Variants in RNF214 observed in about 807,000 individuals in gnomAD.
The protein encoded by RNF214 is ring finger protein 214.
RNF214 carries 25 observed loss-of-function variants against 75.9 expected under a neutral mutation model. The ratio of observed to expected loss-of-function variants is 0.33; its 90% CI spans 0.24 to 0.46. The LOEUF (loss-of-function observed/expected upper bound fraction) is 0.46. Ranked by LOEUF, RNF214 falls within the 20% of genes least tolerant of loss-of-function variation. The probability of loss-of-function intolerance (pLI) is 1.00; values close to 1 mark genes in which losing one functional copy is unlikely to be tolerated. For synonymous variants in RNF214, 314 were observed against 308.8 expected, an observed-to-expected ratio of 1.02 and a Z score of -0.18; for missense variants, 725 against 857.5, an observed-to-expected ratio of 0.85 and a Z score of 1.93.
intron 6 of RNF214, among the ~76,000 whole-genome samples, chr11:117,277,510 T>C (rs1240340487): frequency 1.3e-5 from 2 of 152,062 alleles, no homozygotes; most frequent in East Asian, 3.9e-4. Flanking sequence ...ACACACACCC[T>C]CTCTACCTAT....
At chr11:117,241,317 C>T (rs796483638) in intron 4 of RNF214, among the ~76,000 whole-genome samples, 1 of 152,102 alleles carries the variant, frequency 6.6e-6, no homozygotes, top group Non-Finnish European at 1.5e-5. Flanking sequence ...CACAGTGGCT[C>T]ATGCTTGTAA....
chr11:117,254,615 T>A (rs1356686239), intron 6 of RNF214, among the ~76,000 whole-genome samples: 1 of 151,826 alleles, frequency 6.6e-6, no homozygotes, highest in African/African-American at 2.4e-5. Context: ...CCACCTGACC[T>A]CTTCGTTCTT....
At chr11:117,253,967 A>T (rs534966886) in intron 6 of RNF214, among the ~76,000 whole-genome samples, 1 of 152,018 alleles carries the variant, frequency 6.6e-6, no homozygotes, top group Non-Finnish European at 1.5e-5. Flanking sequence ...ATAAGAGTCT[A>T]TGTTGGCTGG....
At position 117,252,807 on chromosome 11, in the gene RNF214, G is replaced by A. The variant is rs188080993; in HGVS notation, c.959+5859G>A. ...AGTGCTGGGATTACAGGCATGAGCC[G>A]CCTCACCTGGCCTGAAATTTTTTTT... On this transcript the variant is annotated intron_variant, in intron 6 of 14. Coordinates refer to ENST00000300650, the MANE Select transcript of RNF214 (RefSeq NM_207343.4). 1.0e-3 allele frequency among the ~76,000 whole-genome samples: 158 copies of A among 152,120 alleles called. 1 individual carries two copies. The East Asian group carries it at 0.014, about 14-fold the overall frequency.
chr11:117,238,770 T>A lies in RNF214; in HGVS notation c.277T>A (p.Leu93Met). Residue 93 changes from leucine to methionine, a missense_variant, in exon 3 of 15, where the codon TTG becomes ATG. Physicochemically the swap from Leu to Met is conservative, Grantham distance 15. This residue lies in a region of RNF214 where 362 missense variants were observed against 344.5 expected (regional missense o/e 1.05). Coordinates refer to ENST00000300650, the MANE Select transcript of RNF214 (RefSeq NM_207343.4). Reference protein sequence around the residue: ...AAHQVVLGENLIATALCLSGS... With the variant: ...AAHQVVLGENMIATALCLSGS... ...GCACCAGGTGGTTTTAGGAGAAAAC[T>A]TGATAGCCACAGCCCTTTGTCTTTC... The A allele has an allele frequency of 6.2e-7, 1 of 1,614,230 alleles. No homozygotes were observed.
At chr11:117,282,974 G>A (rs1349290378) in intron 13 of RNF214, 124 bp downstream of exon 13, 36 of 994,488 alleles carry the variant, frequency 3.6e-5, no homozygotes, top group Middle Eastern at 2.3e-4. Flanking sequence ...CTGGGAAAAT[G>A]CAAATATTTT....
intron 4 of RNF214, among the ~76,000 whole-genome samples, chr11:117,243,147 A>ATTTATTT (rs1555052422): frequency 2.7e-5 from 4 of 150,340 alleles, no homozygotes; most frequent in South Asian, 4.2e-4. Context: ...TTAATTAATT[A>ATTTATTT]ATTTATTTAT....
At chr11:117,251,286 C>G (rs1591824427) in intron 6 of RNF214, among the ~76,000 whole-genome samples, 3 of 76,996 alleles carry the variant, frequency 3.9e-5, no homozygotes, top group African/African-American at 1.2e-4. Flanking sequence ...GACGGGGCGG[C>G]TGGCCGGGCA....
At chr11:117,263,433 G>A (rs1361334757) in intron 6 of RNF214, among the ~76,000 whole-genome samples, 2 of 151,862 alleles carry the variant, frequency 1.3e-5, no homozygotes, top group African/African-American at 4.8e-5. Flanking sequence ...ACGCCACCAT[G>A]CCCGGCTAAT....
intron 6 of RNF214, among the ~76,000 whole-genome samples, chr11:117,265,657 C>T (rs1318568222): frequency 5.3e-5 from 8 of 152,226 alleles, no homozygotes; most frequent in South Asian, 2.1e-4. Context: ...TCAGGTGATC[C>T]GCTCGCCTTG....
chr11:117,250,368 A>G (rs887515974), intron 6 of RNF214, among the ~76,000 whole-genome samples: 9 of 152,230 alleles, frequency 5.9e-5, no homozygotes, highest in Non-Finnish European at 1.3e-4. Context: ...TGTCAGTGTT[A>G]TGTATTTTGG....
At chr11:117,240,565 G>GT (rs1331597800) in intron 4 of RNF214, among the ~76,000 whole-genome samples, 1 of 151,752 alleles carries the variant, frequency 6.6e-6, no homozygotes, top group African/African-American at 2.4e-5. Context: ...GTGTGTGCCT[G>GT]TAATCCCAGC....
At chr11:117,239,334 T>G (rs553595539) in intron 3 of RNF214, 1 of 565,446 alleles carries the variant, frequency 1.8e-6, no homozygotes, top group Admixed American at 3.4e-5. Flanking sequence ...TTATGGCAAG[T>G]AGGAACTTTA....
At chr11:117,252,488 A>C (rs1001359155) in intron 6 of RNF214, among the ~76,000 whole-genome samples, 1 of 152,188 alleles carries the variant, frequency 6.6e-6, no homozygotes, top group Non-Finnish European at 1.5e-5. Context: ...CCTTCTTTGC[A>C]AAATTGCCTG....
Position 117,281,342 on chromosome 11 carries a change from C to G in RNF214, c.1174C>G (p.Arg392Gly). The G allele has an allele frequency of 1.2e-6, 2 of 1,613,304 alleles. No homozygotes were observed. Among genetic ancestry groups the G allele is most frequent in the Non-Finnish European group, 1.7e-6 (2 of 1,179,528 alleles). ...AACTCCCCCAACACTGGAGACAGTT[C>G]GTTCCAAACAGGAGTGGGAGACGAG... ...KSTPPTLETV[R>G]SKQEWETRLN... The change falls in exon 9 of 15, where the codon CGT becomes GGT. Residue 392 changes from arginine (R) to glycine (G), a missense_variant. Physicochemically the swap from Arg to Gly is moderately radical, Grantham distance 125. This residue lies in a region of RNF214 where 363 missense variants were observed against 513.0 expected (regional missense o/e 0.71). Coordinates refer to ENST00000300650, the MANE Select transcript of RNF214 (RefSeq NM_207343.4).
chr11:117,236,043 C>G (rs942303173), intron 2 of RNF214, among the ~76,000 whole-genome samples: 3 of 151,984 alleles, frequency 2.0e-5, no homozygotes, highest in Admixed American at 6.6e-5. Context: ...TCACTGCGAC[C>G]TCTGCCTCCC....
chr11:117,243,368 A>G (rs983537154), intron 4 of RNF214, among the ~76,000 whole-genome samples: 3 of 151,820 alleles, frequency 2.0e-5, no homozygotes, highest in Admixed American at 6.6e-5. Flanking sequence ...CTGGTCTCGA[A>G]CTGCTGACCT....
Position 117,281,888 on chromosome 11 carries a change from C to G in RNF214, c.1336-6C>G, listed in dbSNP as rs1432940003. Reference sequence around the variant, plus strand: ...TCTCTCGTCCTCTACCTCTTCTCCTCTGCAGACAGACTTCATGCTTCAGGT... The same window carrying G: ...TCTCTCGTCCTCTACCTCTTCTCCTGTGCAGACAGACTTCATGCTTCAGGT... On this transcript the variant is annotated splice_region_variant and splice_polypyrimidine_tract_variant and intron_variant, in intron 10 of 14. Transcript: ENST00000300650. 1 of 1,612,226 alleles carries G rather than the reference C, an allele frequency of 6.2e-7. No homozygotes were observed. The highest frequency in any genetic ancestry group is 8.5e-7 in the Non-Finnish European group (1 of 1,178,764).
chr11:117,277,136 A>G (rs1317721564), intron 6 of RNF214, among the ~76,000 whole-genome samples: 3 of 152,130 alleles, frequency 2.0e-5, no homozygotes, highest in Non-Finnish European at 4.4e-5. Context: ...TGAGGTCAGG[A>G]GTTCAAGACC....
Sources: gnomAD v4.1 joint callset for allele counts (sites outside exome capture counted in the v4.1 genomes callset) on GRCh38, gnomAD v4.1.1 for gene constraint, gnomAD v4.1.1 regional missense constraint, MANE v1.5 for transcripts, NCBI Gene and HGNC (gene_info 2026-07-23, HGNC 2026-07-21) for gene names.